The following PCDHAC1 variants were observed in gnomAD, a reference collection of about 807,000 sequenced individuals.
PCDHAC1 encodes the protein protocadherin alpha subfamily C, 1, also known as protocadherin alpha-C1.
PCDHAC1 carries 42 observed loss-of-function variants against 60.0 expected under a neutral mutation model. The observed-to-expected ratio is 0.70, with a 90% CI of 0.55 to 0.90. PCDHAC1 has a LOEUF of 0.90. Among genes scored for constraint, PCDHAC1 ranks in the 40% least tolerant of loss-of-function variants. The probability of loss-of-function intolerance (pLI) is 0.00; values close to 1 mark genes in which losing one functional copy is unlikely to be tolerated. For missense variants in PCDHAC1, 1,160 were observed against 1,222.3 expected (o/e 0.95, Z 0.76); for synonymous variants, 468 against 499.3 (o/e 0.94, Z 0.84).
intron 3 of PCDHAC1, among the ~76,000 whole-genome samples, chr5:140,992,799 A>T (rs577698123): frequency 6.6e-6 from 1 of 152,274 alleles, no homozygotes; most frequent in African/African-American, 2.4e-5. Flanking sequence ...TTATGGATCC[A>T]TATGTATCTA....
chr5:140,936,270 T>G (rs1367001317), intron 1 of PCDHAC1, among the ~76,000 whole-genome samples: 2 of 152,226 alleles, frequency 1.3e-5, no homozygotes, highest in Non-Finnish European at 2.9e-5. Context: ...GAAGATATAT[T>G]CCTGTGTTTT....
At chr5:141,009,604 A>T (rs782247768) in intron 3 of PCDHAC1, 23 bp from the exon 4 acceptor site, 2 of 1,608,944 alleles carry the variant, frequency 1.2e-6, no homozygotes, top group East Asian at 4.5e-5. Context: ...CCTGTTAATG[A>T]TTTGTAATGT....
At chr5:140,991,808 G>A (rs367660702) in intron 3 of PCDHAC1, among the ~76,000 whole-genome samples, 4 of 152,074 alleles carry the variant, frequency 2.6e-5, no homozygotes, top group East Asian at 1.9e-4. Flanking sequence ...GGCCACTTCC[G>A]CATTTTTAGG....
intron 1 of PCDHAC1, among the ~76,000 whole-genome samples, chr5:140,941,246 T>C (rs1332165821): frequency 7.1e-6 from 1 of 141,078 alleles, no homozygotes; most frequent in East Asian, 2.0e-4. Flanking sequence ...TTTCTTTCTT[T>C]CTTTCTTTCT....
chr5:140,935,044 G>C (rs1246943645), intron 1 of PCDHAC1, among the ~76,000 whole-genome samples: 1 of 151,942 alleles, frequency 6.6e-6, no homozygotes, highest in African/African-American at 2.4e-5. Context: ...CTTGATTTCT[G>C]GTATTACAAG....
intron 1 of PCDHAC1, chr5:140,929,584 A>T: frequency 2.3e-6 from 1 of 433,584 alleles, no homozygotes; most frequent in Non-Finnish European, 4.1e-6. Context: ...GTAATATGAC[A>T]TAAAGGTCTA....
intron 1 of PCDHAC1, chr5:140,966,382 G>C (rs1188243032): frequency 5.0e-6 from 2 of 403,766 alleles, no homozygotes; most frequent in Non-Finnish European, 4.3e-6. Flanking sequence ...GTCCGGGTTC[G>C]CTGTCCGCCA....
rs1337649079 is a variant in PCDHAC1, at chr5:140,927,044, C to T, written c.152C>T (p.Ser51Phe). The T allele has an allele frequency of 6.2e-7, 1 of 1,612,210 alleles. No individual in the cohort carries two copies. Among genetic ancestry groups the T allele is most frequent in the Non-Finnish European group, 8.5e-7 (1 of 1,178,832 alleles). The change falls in exon 1 of 4, where the codon TCC becomes TTC. Residue 51 changes from serine (S) to phenylalanine (F), a missense_variant. Ser to Phe is a radical substitution (Grantham distance 155). This residue lies in a region of PCDHAC1 where 1,113 missense variants were observed against 1,163.7 expected (regional missense o/e 0.96). Transcript: ENST00000253807. ...TTGAGGCTGCCAGCGGCCGCTATGT[C>T]CTCGCGGAACTTTCGCTTCCTTTCC... ...ADLRLPAAAM[S>F]SRNFRFLSSH...
chr5:140,989,538 T>G (rs1254500205), intron 3 of PCDHAC1, among the ~76,000 whole-genome samples: 3 of 152,180 alleles, frequency 2.0e-5, no homozygotes, highest in Non-Finnish European at 4.4e-5. Flanking sequence ...GAAGATAGTT[T>G]GTAATTCCTT....
chr5:140,988,214 A>AG (rs1408259452), intron 3 of PCDHAC1, among the ~76,000 whole-genome samples: 28 of 152,200 alleles, frequency 1.8e-4, no homozygotes, highest in Non-Finnish European at 4.4e-5. Flanking sequence ...AGGAAAAAAA[A>AG]ATGAGATCAG....
rs782421721 is a variant in PCDHAC1, at chr5:140,966,807, C to T, written c.2434-12142C>T. Reference sequence around the variant, plus strand: ...ACCAGACCTGCGGCGACAGAGCATCCACGGCTCCGGCGGCCCATGCCCTGG... The same window carrying T: ...ACCAGACCTGCGGCGACAGAGCATCTACGGCTCCGGCGGCCCATGCCCTGG... On this transcript the variant is annotated intron_variant, in intron 1 of 3. Transcript: ENST00000253807. 3 of 1,547,208 alleles carry T rather than the reference C, an allele frequency of 1.9e-6. No homozygotes were observed. The South Asian group carries it at 3.6e-5, about 18-fold the overall frequency.
intron 1 of PCDHAC1, among the ~76,000 whole-genome samples, chr5:140,941,214 CCTTT>C (rs60032403): frequency 6.5e-5 from 8 of 122,492 alleles, no homozygotes; most frequent in Non-Finnish European, 1.2e-4. Context: ...TTTCTTTCTT[CCTTT>C]CTTTCTTTCT....
rs782468691 is a variant in PCDHAC1 at position 140,962,448 on chromosome 5, A to C, written c.2434-16501A>C. Reference sequence around the variant, plus strand: ...TGTTACTTATCCAAAGATGGCTTGAATCTCTTATGGCTTGAATCTCTTTGT... The same window carrying C: ...TGTTACTTATCCAAAGATGGCTTGACTCTCTTATGGCTTGAATCTCTTTGT... On this transcript the variant is annotated intron_variant, in intron 1 of 3. Coordinates refer to ENST00000253807, the MANE Select transcript of PCDHAC1 (RefSeq NM_018898.5). Among the ~76,000 whole-genome samples the C allele has an allele frequency of 4.7e-4, 72 of 152,232 alleles. 1 individual carries two copies. The highest frequency in any genetic ancestry group is 6.8e-3 in the Middle Eastern group (2 of 294).
At chr5:140,955,989 A>C (rs2095245782) in intron 1 of PCDHAC1, among the ~76,000 whole-genome samples, 1 of 152,172 alleles carries the variant, frequency 6.6e-6, no homozygotes, top group Non-Finnish European at 1.5e-5. Flanking sequence ...ATTTTTGCAC[A>C]TTGATTTTGT....
chr5:140,976,990 A>G (rs1162326000), intron 1 of PCDHAC1, among the ~76,000 whole-genome samples: 1 of 152,228 alleles, frequency 6.6e-6, no homozygotes. Flanking sequence ...TCTTACTGCC[A>G]TAAGAAATCT....
chr5:140,981,687 ATCAT>A (rs200213847), intron 2 of PCDHAC1, among the ~76,000 whole-genome samples: 197 of 152,078 alleles, frequency 1.3e-3, no homozygotes, highest in African/African-American at 4.2e-3. Context: ...CCTCCCTTCC[ATCAT>A]TCATTCATTC....
chr5:140,992,381 T>C (rs890804495), intron 3 of PCDHAC1, among the ~76,000 whole-genome samples: 5 of 152,200 alleles, frequency 3.3e-5, no homozygotes, highest in Admixed American at 1.3e-4. Context: ...TACATTATTG[T>C]GTTCTGGACT....
In PCDHAC1 at chr5:140,946,631, T is replaced by TATATATATATATATATATATAC. The variant is rs57893927; in HGVS notation, c.2433+17307_2433+17308insTATATATATATATATATATACA. 3.0e-3 allele frequency among the ~76,000 whole-genome samples: 389 copies of TATATATATATATATATATATAC among 131,774 alleles called. 27 individuals are homozygous for TATATATATATATATATATATAC. The highest frequency in any genetic ancestry group is 0.013 in the African/African-American group (369 of 28,648). 86.4% of individuals were successfully genotyped at this position (131,774 alleles called of 152,430 possible). A position where few individuals can be genotyped will look rare whatever the true frequency, so the allele number is the denominator to read the frequency against. ...TGTGAAATATATATATATATATATA[T>TATATATATATATATATATATAC]ACAATGGAATACTCATCAGCCATTA... On this transcript the variant is annotated intron_variant, in intron 1 of 3. Coordinates refer to ENST00000253807, the MANE Select transcript of PCDHAC1 (RefSeq NM_018898.5).
chr5:140,981,138 G>A (rs1554242668), intron 2 of PCDHAC1, among the ~76,000 whole-genome samples: 11 of 152,206 alleles, frequency 7.2e-5, no homozygotes. Flanking sequence ...GTCAAAGAGT[G>A]AGAAAACATT....
Sources: gnomAD v4.1 joint callset for allele counts (sites outside exome capture counted in the v4.1 genomes callset) on GRCh38, gnomAD v4.1.1 for gene constraint, gnomAD v4.1.1 regional missense constraint, MANE v1.5 for transcripts, NCBI Gene and HGNC (gene_info 2026-07-23, HGNC 2026-07-21) for gene names.